The following PKN2 variants were observed in gnomAD, a reference collection of about 807,000 sequenced individuals.
PKN2 encodes serine/threonine-protein kinase N2.
In PKN2, 38 loss-of-function variants were observed where a neutral mutation model predicts 119.1. The observed-to-expected ratio is 0.32, with a 90% CI of 0.25 to 0.42. PKN2 has a LOEUF of 0.42. PKN2 is among the 10% of genes least tolerant of loss of function. The probability of loss-of-function intolerance (pLI) is 1.00; values close to 1 mark genes in which losing one functional copy is unlikely to be tolerated. For synonymous variants in PKN2, 390 were observed against 384.9 expected, an observed-to-expected ratio of 1.01 and a Z score of -0.15; for missense variants, 850 against 1,165.1, an observed-to-expected ratio of 0.73 and a Z score of 3.94.
At chr1:88,810,417 C>T (rs112287973) in intron 15 of PKN2, among the ~76,000 whole-genome samples, 4,613 of 151,314 alleles carry the variant, frequency 0.03, 142 homozygotes, top group African/African-American at 0.073. Flanking sequence ...CCACCACACC[C>T]GGCCAAGACT....
chr1:88,684,779 C>T (rs992083550), intron 1 of PKN2, 151 bp downstream of exon 1: 1 of 620,344 alleles, frequency 1.6e-6, no homozygotes, highest in Non-Finnish European at 2.6e-6. Context: ...AAATGCTTCC[C>T]TCGGGGAACC....
intron 16 of PKN2, among the ~76,000 whole-genome samples, chr1:88,821,232 A>C (rs1672276998): frequency 6.6e-6 from 1 of 152,128 alleles, no homozygotes; most frequent in Admixed American, 6.5e-5. Context: ...AGTTTTTGTG[A>C]ATCTGTCTCT....
At chr1:88,806,721 G>GGTTTT (rs1306694251) in intron 12 of PKN2, among the ~76,000 whole-genome samples, 2 of 151,648 alleles carry the variant, frequency 1.3e-5, no homozygotes, top group Non-Finnish European at 2.9e-5. Context: ...TCATTGTTTT[G>GGTTTT]GTTTTGTTTT....
Position 88,836,166 on chromosome 1 carries a change from G to A in PKN2, c.*2718G>A, listed in dbSNP as rs1245199511. 6.6e-6 allele frequency: 1 copy of A among 151,986 alleles called. No individual in the cohort carries two copies. The highest frequency in any genetic ancestry group is 1.5e-5 in the Non-Finnish European group (1 of 67,970). The allele number at this position is 151,986 out of a possible 1,614,324, so 9.4% of individuals were successfully genotyped here. ...TAATTAAGATGCAAGCACCAGTATTGTATGTACTTTTCTCTTGTTTGAGGT... is the reference window on the plus strand; with the variant it reads ...TAATTAAGATGCAAGCACCAGTATTATATGTACTTTTCTCTTGTTTGAGGT... On this transcript the variant is annotated 3_prime_UTR_variant, in exon 22 of 22. Coordinates refer to ENST00000370521, the MANE Select transcript of PKN2 (RefSeq NM_006256.4).
At chr1:88,767,926 C>T (rs1026479261) in intron 3 of PKN2, among the ~76,000 whole-genome samples, 38 of 152,122 alleles carry the variant, frequency 2.5e-4, no homozygotes, top group African/African-American at 8.7e-4. Flanking sequence ...CGTCATCAAG[C>T]GTGTCTCTTG....
chr1:88,775,982 C>G (rs1670080132), intron 6 of PKN2, among the ~76,000 whole-genome samples: 1 of 151,928 alleles, frequency 6.6e-6, no homozygotes, highest in Non-Finnish European at 1.5e-5. Flanking sequence ...GTGGCAGGCC[C>G]CTGTAGTCCC....
intron 6 of PKN2, among the ~76,000 whole-genome samples, chr1:88,780,587 C>T (rs1429276444): frequency 1.3e-5 from 2 of 152,140 alleles, no homozygotes; most frequent in Non-Finnish European, 2.9e-5. Context: ...GGAATATAGA[C>T]CTGTAAAGAG....
chr1:88,806,135 G>GT (rs1671528060), intron 12 of PKN2, 118 bp downstream of exon 12: 1 of 913,212 alleles, frequency 1.1e-6, no homozygotes, highest in Non-Finnish European at 1.7e-6. Context: ...TGAATTTATG[G>GT]TTTTTTGTTT....
intron 2 of PKN2, among the ~76,000 whole-genome samples, chr1:88,751,337 G>A (rs921284342): frequency 6.6e-5 from 10 of 150,490 alleles, no homozygotes; most frequent in African/African-American, 2.5e-4. Flanking sequence ...GTACATACAA[G>A]GTGTCCCTTT....
At chr1:88,794,818 A>T (rs1483738404) in intron 8 of PKN2, among the ~76,000 whole-genome samples, 2 of 152,040 alleles carry the variant, frequency 1.3e-5, no homozygotes, top group Admixed American at 6.6e-5. Context: ...CCCTAAAACC[A>T]ATGTTACTCT....
At chr1:88,786,703 C>T (rs200132384) in intron 8 of PKN2, among the ~76,000 whole-genome samples, 1 of 152,114 alleles carries the variant, frequency 6.6e-6, no homozygotes, top group East Asian at 1.9e-4. Flanking sequence ...GATTTAAATC[C>T]ATAGTGGTAA....
chr1:88,817,914 G>A (rs1672073542), intron 16 of PKN2, among the ~76,000 whole-genome samples: 1 of 152,152 alleles, frequency 6.6e-6, no homozygotes, highest in African/African-American at 2.4e-5. Context: ...ATTAAAATAG[G>A]AAGAAAGGAA....
intron 3 of PKN2, among the ~76,000 whole-genome samples, chr1:88,764,765 T>TA (rs1365271138): frequency 6.6e-6 from 1 of 152,206 alleles, no homozygotes; most frequent in Non-Finnish European, 1.5e-5. Context: ...CCCCGTTACA[T>TA]AAGTAGTATA....
intron 6 of PKN2, among the ~76,000 whole-genome samples, chr1:88,779,996 AC>A (rs1670270186): frequency 6.6e-6 from 1 of 152,206 alleles, no homozygotes; most frequent in Non-Finnish European, 1.5e-5. Context: ...CAAGGTAGTT[AC>A]AGTTTCAGGG....
At chr1:88,816,341 G>A (rs961734705) in intron 16 of PKN2, among the ~76,000 whole-genome samples, 3 of 152,038 alleles carry the variant, frequency 2.0e-5, no homozygotes, top group Admixed American at 2.0e-4. Context: ...CTGCCACACA[G>A]GTTCAAGAGA....
intron 3 of PKN2, among the ~76,000 whole-genome samples, chr1:88,764,288 G>C (rs1191786056): frequency 6.6e-6 from 1 of 152,022 alleles, no homozygotes; most frequent in Non-Finnish European, 1.5e-5. Context: ...TACTTTTGTG[G>C]CTTTCTCATT....
chr1:88,805,721 T>A lies in PKN2; in HGVS notation c.1676+50T>A. On this transcript the variant is annotated intron_variant, in intron 11 of 21. Transcript: ENST00000370521. ...CTCTTATACAAAGTTATTGGGACAT[T>A]CTTACGTACTGATTATAGCAGGTGT... The A allele has an allele frequency of 1.9e-6, 3 of 1,604,344 alleles. No homozygotes were observed. The Middle Eastern group carries it at 5.0e-4, about 265-fold the overall frequency.
intron 1 of PKN2, among the ~76,000 whole-genome samples, chr1:88,710,155 G>C (rs776104294): frequency 1.3e-5 from 2 of 152,136 alleles, no homozygotes; most frequent in Non-Finnish European, 2.9e-5. Flanking sequence ...GATGCACTTT[G>C]GGAAGTCATC....
At chr1:88,750,220 A>G (rs1668933225) in intron 2 of PKN2, among the ~76,000 whole-genome samples, 1 of 152,194 alleles carries the variant, frequency 6.6e-6, no homozygotes, top group South Asian at 2.1e-4. Flanking sequence ...AAGTCTGAGG[A>G]GGCTTTCCTG....
Sources: allele counts gnomAD v4.1 joint callset (sites outside exome capture counted in the v4.1 genomes callset), GRCh38; gene constraint gnomAD v4.1.1; transcripts MANE v1.5; gene names NCBI Gene and HGNC (gene_info 2026-07-23, HGNC 2026-07-21).